DGKB: variants seen among roughly 807,000 people sequenced by gnomAD.
The protein encoded by DGKB is 90 kDa diacylglycerol kinase.
Under a neutral mutation model 114.3 loss-of-function variants are expected in DGKB, and 67 were observed. The observed-to-expected ratio is 0.59, with a 90% CI of 0.48 to 0.72. DGKB has a LOEUF of 0.72. DGKB is among the 30% of genes least tolerant of loss of function. DGKB has a pLI of 0.00. For missense variants in DGKB, 907 were observed against 975.2 expected (o/e 0.93, Z 0.93); for synonymous variants, 398 against 323.1 (o/e 1.23, Z -2.49).
rs571769920 is a variant in DGKB at position 14,443,387 on chromosome 7, C to T, written c.1835+34774G>A. ...GCTGCTTTTCTTCTCGTAAGCAAAACCTTTTATTCTGGGCAAAAATAAATT... is the reference window on the plus strand; with the variant it reads ...GCTGCTTTTCTTCTCGTAAGCAAAATCTTTTATTCTGGGCAAAAATAAATT... On this transcript the variant is annotated intron_variant, in intron 21 of 25. Coordinates refer to ENST00000402815, the MANE Select transcript of DGKB (RefSeq NM_001350709.2). 5.3e-5 allele frequency among the ~76,000 whole-genome samples: 8 copies of T among 152,174 alleles called. No homozygotes were observed. In the East Asian group the frequency reaches 1.5e-3, roughly 29 times the overall value.
intron 20 of DGKB, among the ~76,000 whole-genome samples, chr7:14,570,521 C>A (rs1798229647): frequency 6.6e-6 from 1 of 151,902 alleles, no homozygotes; most frequent in Admixed American, 6.6e-5. Flanking sequence ...GGAAGCCTTA[C>A]CAATAACATA....
Position 14,148,711 on chromosome 7 carries a change from C to T in DGKB, c.*420G>A, listed in dbSNP as rs990500097. ...TAAAAGGGAAACGTATAGCAATCTG[C>T]AATTATGATCATTGTAGCGTTACTG... is the stretch of plus-strand genomic sequence containing the variant. On this transcript the variant is annotated 3_prime_UTR_variant, in exon 26 of 26. Transcript: ENST00000402815. The T allele has an allele frequency of 4.6e-6, 1 of 216,042 alleles. No homozygotes were observed. The highest frequency in any genetic ancestry group is 9.4e-6 in the Non-Finnish European group (1 of 106,702). 13.4% of individuals were successfully genotyped at this position (216,042 alleles called of 1,614,324 possible).
chr7:14,481,282 A>T (rs1046713212), intron 20 of DGKB, among the ~76,000 whole-genome samples: 18 of 151,956 alleles, frequency 1.2e-4, no homozygotes, highest in Non-Finnish European at 1.0e-4. Flanking sequence ...AAATTGCCCT[A>T]AATCTCCAAA....
intron 2 of DGKB, among the ~76,000 whole-genome samples, chr7:14,804,910 C>T (rs1842609855): frequency 1.3e-5 from 2 of 151,628 alleles, no homozygotes; most frequent in Non-Finnish European, 2.9e-5. Context: ...TTGCTGTTAT[C>T]TATTTATATG....
intron 1 of DGKB, among the ~76,000 whole-genome samples, chr7:14,884,094 A>C (rs920532336): frequency 1.3e-5 from 2 of 151,914 alleles, no homozygotes; most frequent in African/African-American, 4.8e-5. Flanking sequence ...AATATTTTAG[A>C]GTTTGTGGGC....
At chr7:14,652,472 T>C (rs1360750018) in intron 13 of DGKB, among the ~76,000 whole-genome samples, 1 of 152,014 alleles carries the variant, frequency 6.6e-6, no homozygotes, top group Non-Finnish European at 1.5e-5. Flanking sequence ...ACTGGATCCC[T>C]TCCTTACACC....
At chr7:14,195,913 A>C (rs1474184819) in intron 23 of DGKB, among the ~76,000 whole-genome samples, 1 of 152,202 alleles carries the variant, frequency 6.6e-6, no homozygotes, top group East Asian at 1.9e-4. Flanking sequence ...GTTATTGTGC[A>C]TAAAACCATT....
At chr7:14,633,438 C>CAT (rs1368080351) in intron 13 of DGKB, among the ~76,000 whole-genome samples, 1 of 151,802 alleles carries the variant, frequency 6.6e-6, no homozygotes, top group Non-Finnish European at 1.5e-5. Flanking sequence ...TATATCTAAC[C>CAT]TCATTTACAA....
At chr7:14,758,663 C>T (rs1242283998) in intron 2 of DGKB, among the ~76,000 whole-genome samples, 1 of 152,158 alleles carries the variant, frequency 6.6e-6, no homozygotes, top group African/African-American at 2.4e-5. Flanking sequence ...TCTTGTTGAC[C>T]TTCCCTAAGA....
chr7:14,841,321 C>T lies in DGKB; in HGVS notation c.-58G>A, dbSNP rs188816751. ...TAAAAGATTCTTTATTCAGGTGTTGCGCAGAGGTCTATGCTTCAAAGATTC... is the reference window on the plus strand; with the variant it reads ...TAAAAGATTCTTTATTCAGGTGTTGTGCAGAGGTCTATGCTTCAAAGATTC... On this transcript the variant is annotated 5_prime_UTR_variant, in exon 2 of 26. Coordinates refer to ENST00000402815, the MANE Select transcript of DGKB (RefSeq NM_001350709.2). 391 of 1,472,514 alleles carry T rather than the reference C, an allele frequency of 2.7e-4. 2 individuals carry two copies. In the African/African-American group the frequency reaches 3.7e-3, roughly 14 times the overall value. 91.2% of individuals were successfully genotyped at this position (1,472,514 alleles called of 1,614,324 possible).
chr7:14,716,488 T>C (rs1483292028), intron 6 of DGKB, among the ~76,000 whole-genome samples: 2 of 152,240 alleles, frequency 1.3e-5, no homozygotes, highest in Non-Finnish European at 2.9e-5. Flanking sequence ...TTGCTTTTTC[T>C]TATTTTCATT....
chr7:14,244,696 G>T (rs1794212464), intron 23 of DGKB, among the ~76,000 whole-genome samples: 1 of 149,340 alleles, frequency 6.7e-6, no homozygotes, highest in Admixed American at 6.7e-5. Flanking sequence ...AAAAAAAAGG[G>T]GTGCCTTTGG....
intron 5 of DGKB, among the ~76,000 whole-genome samples, chr7:14,733,906 CTT>C (rs1012245358): frequency 1.3e-5 from 2 of 151,908 alleles, no homozygotes; most frequent in Non-Finnish European, 2.9e-5. Context: ...ATTATGGACT[CTT>C]CATCATATTG....
At chr7:14,265,490 A>T (rs1250280147) in intron 23 of DGKB, among the ~76,000 whole-genome samples, 1 of 151,776 alleles carries the variant, frequency 6.6e-6, no homozygotes, top group Non-Finnish European at 1.5e-5. Context: ...TGTGTCTTCT[A>T]CATCCCTTCC....
chr7:14,356,115 G>A (rs987059427), intron 21 of DGKB, among the ~76,000 whole-genome samples: 4 of 152,138 alleles, frequency 2.6e-5, no homozygotes, highest in African/African-American at 7.2e-5. Flanking sequence ...TGTGGGATCA[G>A]TGGTGATATC....
At chr7:14,621,566 C>T in intron 14 of DGKB, 72 bp from the exon 15 acceptor site, 1 of 907,114 alleles carries the variant, frequency 1.1e-6, no homozygotes, top group South Asian at 1.6e-5. Context: ...GTTGTTTTTA[C>T]TAATAGAAGA....
Position 14,169,412 on chromosome 7 carries a change from T to G in DGKB, c.2304+7427A>C, listed in dbSNP as rs1000922833. Among the ~76,000 whole-genome samples the G allele has an allele frequency of 4.0e-5, 6 of 148,330 alleles. No individual in the cohort carries two copies. In the East Asian group the frequency reaches 1.2e-3, roughly 29 times the overall value. On this transcript the variant is annotated intron_variant, in intron 25 of 25. Transcript: ENST00000402815. Reference sequence around the variant, plus strand: ...ATGCAAACCATGAGTCCTAGATAACTACTGGAAGAAGCCACAGATTTGGAG... The same window carrying G: ...ATGCAAACCATGAGTCCTAGATAACGACTGGAAGAAGCCACAGATTTGGAG...
At chr7:14,160,553 C>G (rs1031274918) in intron 25 of DGKB, among the ~76,000 whole-genome samples, 1 of 152,174 alleles carries the variant, frequency 6.6e-6, no homozygotes, top group Non-Finnish European at 1.5e-5. Flanking sequence ...ATACGACTTA[C>G]TTACAAGGGA....
chr7:14,643,946 T>C (rs62445639), intron 13 of DGKB, among the ~76,000 whole-genome samples: 7,195 of 151,922 alleles, frequency 0.047, 231 homozygotes, highest in African/African-American at 0.095. Flanking sequence ...GCCAGAGGAG[T>C]GGACCAACCA....
Sources: gnomAD v4.1 joint callset for allele counts (sites outside exome capture counted in the v4.1 genomes callset) on GRCh38, gnomAD v4.1.1 for gene constraint, MANE v1.5 for transcripts, NCBI Gene and HGNC (gene_info 2026-07-23, HGNC 2026-07-21) for gene names.